Variants in GRAMD4 observed in about 807,000 individuals in gnomAD.
GRAMD4 encodes GRAM domain containing 4.
A neutral mutation model predicts 83.9 loss-of-function variants in GRAMD4; 25 were observed. The ratio of observed to expected loss-of-function variants is 0.30; its 90% confidence interval spans 0.22 to 0.42. The LOEUF (loss-of-function observed/expected upper bound fraction) is 0.42. Ranked by LOEUF, GRAMD4 falls within the 10% of genes least tolerant of loss-of-function variation. The probability of loss-of-function intolerance (pLI) is 1.00; values close to 1 mark genes in which losing one functional copy is unlikely to be tolerated. For missense variants in GRAMD4, 593 were observed against 788.7 expected (o/e 0.75, Z 2.97); for synonymous variants, 336 against 320.9 (o/e 1.05, Z -0.50).
intron 3 of GRAMD4, among the ~76,000 whole-genome samples, chr22:46,647,904 G>A (rs541853305): frequency 6.6e-6 from 1 of 152,362 alleles, no homozygotes; most frequent in African/African-American, 2.4e-5. Context: ...ATGTCCTGAT[G>A]TCCCAGCTCT....
upstream of GRAMD4, among the ~76,000 whole-genome samples, chr22:46,617,449 A>G (rs1365297034): frequency 3.7e-5 from 4 of 107,822 alleles, no homozygotes; most frequent in African/African-American, 1.5e-4. Flanking sequence ...GGTTCCCCCC[A>G]TACGTGTAGG....
intron 3 of GRAMD4, among the ~76,000 whole-genome samples, chr22:46,645,860 C>G (rs757178334): frequency 1.1e-4 from 16 of 152,204 alleles, no homozygotes; most frequent in Admixed American, 7.9e-4. Flanking sequence ...GCGCGGTTGC[C>G]GTGCATGCGT....
intron 13 of GRAMD4, among the ~76,000 whole-genome samples, chr22:46,670,092 C>T (rs568204075): frequency 2.3e-4 from 35 of 152,312 alleles, no homozygotes; most frequent in Non-Finnish European, 2.2e-4. Context: ...GGGAGAGCTC[C>T]GTGCCGGAGT....
intron 2 of GRAMD4, among the ~76,000 whole-genome samples, chr22:46,637,024 A>G (rs1332805935): frequency 1.3e-5 from 2 of 151,936 alleles, no homozygotes; most frequent in African/African-American, 4.8e-5. Flanking sequence ...CGCTGTTCGG[A>G]GTTTGCTCAC....
At chr22:46,676,960 G>A (rs1256286990) in intron 18 of GRAMD4, among the ~76,000 whole-genome samples, 187 bp from the exon 19 acceptor site, 1 of 152,250 alleles carries the variant, frequency 6.6e-6, no homozygotes, top group African/African-American at 2.4e-5. Flanking sequence ...GCTCCCCTCT[G>A]CCTCTTGGCT....
intron 1 of GRAMD4, among the ~76,000 whole-genome samples, chr22:46,607,339 T>C (rs1271172416): frequency 2.0e-5 from 3 of 152,050 alleles, no homozygotes; most frequent in African/African-American, 7.3e-5. Flanking sequence ...GAACTCAAAG[T>C]GTTATAAAAA....
At chr22:46,600,575 A>G (rs1337220163) in intron 1 of GRAMD4, among the ~76,000 whole-genome samples, 3 of 152,152 alleles carry the variant, frequency 2.0e-5, no homozygotes, top group African/African-American at 7.2e-5. Context: ...GAGTGGGGGA[A>G]GCACAGACAG....
chr22:46,638,655 A>C (rs1006677788), intron 3 of GRAMD4, among the ~76,000 whole-genome samples: 1 of 152,220 alleles, frequency 6.6e-6, no homozygotes, highest in East Asian at 1.9e-4. Context: ...GCCACTTACC[A>C]GTAAGACAGT....
intron 3 of GRAMD4, among the ~76,000 whole-genome samples, chr22:46,656,615 AC>A (rs1301430111): frequency 1.3e-5 from 2 of 152,098 alleles, no homozygotes; most frequent in Non-Finnish European, 2.9e-5. Context: ...CTCCCACCCT[AC>A]CCAGAAAGAA....
At chr22:46,613,064 G>T (rs933978446) in intron 1 of GRAMD4, among the ~76,000 whole-genome samples, 1 of 152,262 alleles carries the variant, frequency 6.6e-6, no homozygotes, top group African/African-American at 2.4e-5. Context: ...CCACAAGACA[G>T]CGCTGCCTCC....
intron 1 of GRAMD4, among the ~76,000 whole-genome samples, chr22:46,600,259 C>T (rs1479829225): frequency 6.6e-6 from 1 of 152,176 alleles, no homozygotes; most frequent in Non-Finnish European, 1.5e-5. Flanking sequence ...CTGAGGGTCT[C>T]CTAAAGCCCC....
At chr22:46,617,214 G>A (rs563110933), upstream of GRAMD4, among the ~76,000 whole-genome samples, 293 of 146,790 alleles carry the variant, frequency 2.0e-3, 1 homozygote, top group African/African-American at 7.3e-3. Flanking sequence ...TCCCCTGTGC[G>A]TGTGGGTTCC....
In GRAMD4 at chr22:46,666,885, G is replaced by A. The variant is rs753537914; in HGVS notation, c.858+12G>A. The A allele has an allele frequency of 1.9e-6, 3 of 1,569,352 alleles. No homozygotes were observed. The highest frequency in any genetic ancestry group is 2.6e-6 in the Non-Finnish European group (3 of 1,154,600). On this transcript the variant is annotated intron_variant, in intron 10 of 18. Coordinates refer to ENST00000406902, the MANE Select transcript of GRAMD4 (RefSeq NM_015124.5). ...TGTCTGAGCCCGTGGTAAGTCCCTG[G>A]AGGGTGCACGGTCTCCTCCGACTGT... is the stretch of plus-strand genomic sequence containing the variant.
intron 13 of GRAMD4, among the ~76,000 whole-genome samples, chr22:46,669,449 C>A (rs966520915): frequency 6.6e-6 from 1 of 152,158 alleles, no homozygotes; most frequent in Non-Finnish European, 1.5e-5. Flanking sequence ...GGTGGCCCCC[C>A]CTCACCCCAG....
In GRAMD4 at chr22:46,621,420, C is replaced by T. The variant is rs561983844; in HGVS notation, c.-50+855C>T. Among the ~76,000 whole-genome samples, 6 of 152,300 alleles carry T rather than the reference C, an allele frequency of 3.9e-5. No homozygotes were observed. The South Asian group carries it at 6.2e-4, about 16-fold the overall frequency. On this transcript the variant is annotated intron_variant, in intron 1 of 18. Transcript: ENST00000406902. The surrounding 1 kb of genome is among the most constrained non-coding windows in gnomAD (Gnocchi z 5.8). ...CAGTGGAGCACTCTTCAGTGCAGTG[C>T]GGGGGCTGCCCATGTGGCCGTGGAG...
chr22:46,581,001 A>G (rs923207413), intron 1 of GRAMD4, among the ~76,000 whole-genome samples: 24 of 151,784 alleles, frequency 1.6e-4, no homozygotes, highest in South Asian at 2.1e-4. Flanking sequence ...AAGAAAAAAG[A>G]AAATGCGTGT....
intron 13 of GRAMD4, among the ~76,000 whole-genome samples, chr22:46,670,265 C>G (rs185093043): frequency 3.9e-5 from 6 of 152,404 alleles, no homozygotes; most frequent in Admixed American, 2.6e-4. Context: ...AGCGTAACTG[C>G]TGGTGGGAGG....
chr22:46,620,472 T>A lies in GRAMD4; in HGVS notation c.-143T>A, dbSNP rs1364421630. On this transcript the variant is annotated 5_prime_UTR_variant, in exon 1 of 19. Coordinates refer to ENST00000406902, the MANE Select transcript of GRAMD4 (RefSeq NM_015124.5). The surrounding 1 kb of genome is among the most constrained non-coding windows in gnomAD (Gnocchi z 4.7). ...GTGTTGGGCGGCTTGGAGGCTATGG[T>A]TCCTGGGTCCTCGTAGCACATCCTG... The A allele has an allele frequency of 1.0e-6, 1 of 984,838 alleles. No individual in the cohort carries two copies. The highest frequency in any genetic ancestry group is 1.2e-6 in the Non-Finnish European group (1 of 829,772). 61.0% of individuals were successfully genotyped at this position (984,838 alleles called of 1,614,324 possible). A position where few individuals can be genotyped will look rare whatever the true frequency, so the allele number is the denominator to read the frequency against.
chr22:46,613,466 C>T (rs544487385), intron 1 of GRAMD4, among the ~76,000 whole-genome samples: 41 of 152,368 alleles, frequency 2.7e-4, no homozygotes, highest in African/African-American at 8.4e-4. Context: ...CCCCTAGCCC[C>T]GCACAGGCGA....
Sources: gnomAD v4.1 joint callset for allele counts (sites outside exome capture counted in the v4.1 genomes callset) on GRCh38, gnomAD v4.1.1 for gene constraint, Gnocchi (gnomAD v3.1) non-coding constraint, MANE v1.5 for transcripts, NCBI Gene and HGNC (gene_info 2026-07-23, HGNC 2026-07-21) for gene names.